The following DNAJC13 variants were observed in gnomAD, a reference collection of about 807,000 sequenced individuals.
DNAJC13 encodes the protein dnaJ homolog subfamily C member 13.
DNAJC13 carries 75 observed loss-of-function variants against 290.5 expected under a neutral mutation model. The ratio of observed to expected loss-of-function variants is 0.26; its 90% CI spans 0.21 to 0.31. The LOEUF (loss-of-function observed/expected upper bound fraction) is 0.31. Ranked by LOEUF, DNAJC13 falls within the 10% of genes least tolerant of loss-of-function variation. The pLI is 1.00. For synonymous variants in DNAJC13, 862 were observed against 892.0 expected, an observed-to-expected ratio of 0.97 and a Z score of 0.60; for missense variants, 2,260 against 2,674.5, an observed-to-expected ratio of 0.85 and a Z score of 3.42.
chr3:132,476,346 T>C (rs927984606), intron 22 of DNAJC13, among the ~76,000 whole-genome samples: 6 of 152,222 alleles, frequency 3.9e-5, no homozygotes, highest in Non-Finnish European at 8.8e-5. Flanking sequence ...TATTTTCTAG[T>C]GAAAACCCTT....
intron 55 of DNAJC13, chr3:132,537,221 G>A (rs919499328): frequency 2.2e-6 from 1 of 456,150 alleles, no homozygotes; most frequent in Non-Finnish European, 4.4e-6. Flanking sequence ...CTTTAGATCC[G>A]CTCTGCCAGG....
rs1057509293 is a variant in DNAJC13 at position 132,463,762 on chromosome 3, C to T, written c.1837C>T (p.His613Tyr). 1 of 1,613,488 alleles carries T rather than the reference C, an allele frequency of 6.2e-7. No individual in the cohort carries two copies. Among genetic ancestry groups the T allele is most frequent in the African/African-American group, 1.3e-5 (1 of 75,014 alleles). The change falls in exon 17 of 56, where the codon CAC (histidine) becomes TAC (tyrosine). Residue 613 changes from histidine (H) to tyrosine (Y), a missense_variant. By Grantham distance (83) the His-to-Tyr change is moderately conservative. Around this residue, in one of 3 missense-constraint regions of DNAJC13, gnomAD observed 762 missense variants for 964.1 expected, o/e 0.79. Transcript: ENST00000260818. ...LALSEGALPR[H>Y]LHTAMFTISS... ...CCTAAGTGAAGGTGCCTTACCTCGA[C>T]ACTTGCATACTGCGATGTTTACAAT...
intron 50 of DNAJC13, 41 bp downstream of exon 50, chr3:132,523,240 T>A: frequency 6.2e-7 from 1 of 1,607,386 alleles, no homozygotes; most frequent in Non-Finnish European, 8.5e-7. Context: ...TTCTGTTGAT[T>A]TAGTTGTTTT....
At chr3:132,437,785 C>G (rs961209856) in intron 2 of DNAJC13, among the ~76,000 whole-genome samples, 9 of 151,972 alleles carry the variant, frequency 5.9e-5, no homozygotes, top group African/African-American at 2.2e-4. Context: ...TTTGGGTATT[C>G]CTGGTCTCTT....
intron 16 of DNAJC13, among the ~76,000 whole-genome samples, chr3:132,463,264 A>T (rs1350211528): frequency 6.6e-6 from 1 of 152,232 alleles, no homozygotes; most frequent in Non-Finnish European, 1.5e-5. Context: ...TGAATGGAAC[A>T]TCAAAGTTTA....
At chr3:132,493,109 G>A (rs74694361) in intron 33 of DNAJC13, among the ~76,000 whole-genome samples, 2,130 of 152,092 alleles carry the variant, frequency 0.014, 48 homozygotes, top group African/African-American at 0.048. Context: ...TGGTGTTTAT[G>A]AAGATTATTA....
At chr3:132,522,226 T>C (rs1936113749) in intron 48 of DNAJC13, among the ~76,000 whole-genome samples, 1 of 152,188 alleles carries the variant, frequency 6.6e-6, no homozygotes, top group Non-Finnish European at 1.5e-5. Flanking sequence ...GGAAAAACAC[T>C]TTCCCAACCC....
intron 48 of DNAJC13, among the ~76,000 whole-genome samples, chr3:132,520,564 T>A (rs2107741741): frequency 6.6e-6 from 1 of 152,352 alleles, no homozygotes; most frequent in East Asian, 1.9e-4. Flanking sequence ...TAAATTAGAA[T>A]ACTAAACAAG....
chr3:132,481,082 T>C (rs1934656256), intron 26 of DNAJC13, among the ~76,000 whole-genome samples: 1 of 152,188 alleles, frequency 6.6e-6, no homozygotes, highest in African/African-American at 2.4e-5. Context: ...TGGAGGTGGT[T>C]ACTATCCACA....
In DNAJC13 at chr3:132,500,919, G is replaced by T; in HGVS notation, c.4536+6G>T. On this transcript the variant is annotated splice_donor_region_variant and intron_variant, in intron 39 of 55. Transcript: ENST00000260818. Reference sequence around the variant, plus strand: ...GGGTACTATATTTTGGCAAGGTAGGGTTAATCTTTAATGCTTTCTAGATAC... The same window carrying T: ...GGGTACTATATTTTGGCAAGGTAGGTTTAATCTTTAATGCTTTCTAGATAC... 6.2e-7 allele frequency: 1 copy of T among 1,613,524 alleles called. No individual in the cohort carries two copies. Among genetic ancestry groups the T allele is most frequent in the Non-Finnish European group, 8.5e-7 (1 of 1,179,648 alleles).
Position 132,522,851 on chromosome 3 carries a change from T to C in DNAJC13, c.5697T>C (p.Phe1899=), listed in dbSNP as rs763282870. The C allele has an allele frequency of 6.2e-7, 1 of 1,607,770 alleles. No individual in the cohort carries two copies. The highest frequency in any genetic ancestry group is 1.1e-5 in the South Asian group (1 of 88,984). ...GPKVRITLMK[F]LPSVFMDAMR... ...AGGTTCGAATTACGTTAATGAAATT[T>C]CTACCAAGCGTTTTCATGGATGCTA... The change falls in exon 49 of 56, where the codon TTT becomes TTC. Residue 1899 remains phenylalanine, a synonymous_variant. Coordinates refer to ENST00000260818, the MANE Select transcript of DNAJC13 (RefSeq NM_015268.4).
At chr3:132,428,397 A>T (rs1018728543) in intron 1 of DNAJC13, among the ~76,000 whole-genome samples, 1 of 152,228 alleles carries the variant, frequency 6.6e-6, no homozygotes, top group Non-Finnish European at 1.5e-5. Flanking sequence ...AAATGTGGAT[A>T]GGCTAATATT....
intron 2 of DNAJC13, among the ~76,000 whole-genome samples, chr3:132,443,911 C>T (rs1051378103): frequency 5.3e-5 from 8 of 152,072 alleles, no homozygotes; most frequent in South Asian, 2.1e-4. Flanking sequence ...GTATGGTAGC[C>T]GCTAACTACA....
At chr3:132,422,062 ACT>A (rs1485211758) in intron 1 of DNAJC13, among the ~76,000 whole-genome samples, 1 of 145,516 alleles carries the variant, frequency 6.9e-6, no homozygotes, top group Admixed American at 6.9e-5. Flanking sequence ...TTCAGACCTC[ACT>A]CTGTTGCCCA....
rs111502887 is a variant in DNAJC13, at chr3:132,467,299, A to C, written c.2194A>C (p.Ile732Leu). 6.2e-7 allele frequency: 1 copy of C among 1,613,254 alleles called. No homozygotes were observed. Among genetic ancestry groups the C allele is most frequent in the African/African-American group, 1.3e-5 (1 of 75,016 alleles). ...VLMHWRDRMGIAQKENINQKP... is the reference protein window; with the variant it reads ...VLMHWRDRMGLAQKENINQKP... ...GATGCACTGGAGGGATAGGATGGGC[A>C]TTGCTCAAAAAGAGGTAAAAATAAA... Residue 732 changes from isoleucine (I) to leucine (L), a missense_variant, in exon 20 of 56, where the codon ATT becomes CTT. By Grantham distance (5) the Ile-to-Leu change is conservative (BLOSUM62 2). Coordinates refer to ENST00000260818, the MANE Select transcript of DNAJC13 (RefSeq NM_015268.4).
chr3:132,529,569 C>T (rs951768329), intron 54 of DNAJC13, among the ~76,000 whole-genome samples: 4 of 152,222 alleles, frequency 2.6e-5, no homozygotes, highest in South Asian at 2.1e-4. Context: ...GGGTGGATCA[C>T]GAGGTCAGGA....
intron 1 of DNAJC13, among the ~76,000 whole-genome samples, chr3:132,426,276 C>G (rs943410569): frequency 7.2e-5 from 11 of 152,122 alleles, no homozygotes; most frequent in Non-Finnish European, 1.3e-4. Context: ...GTGAAGCTGA[C>G]TCGCAAAAAT....
intron 32 of DNAJC13, among the ~76,000 whole-genome samples, chr3:132,491,614 G>C (rs1935060326): frequency 6.6e-6 from 1 of 152,138 alleles, no homozygotes; most frequent in Non-Finnish European, 1.5e-5. Context: ...AAAAGGAAAG[G>C]CTCAGAAGCA....
At chr3:132,447,229 T>G in intron 3 of DNAJC13, 92 bp from the exon 4 acceptor site, 2 of 1,149,410 alleles carry the variant, frequency 1.7e-6, no homozygotes, top group Non-Finnish European at 2.3e-6. Context: ...TTTTGCTGAT[T>G]TAATCAGTGA....
Sources: allele counts gnomAD v4.1 joint callset (sites outside exome capture counted in the v4.1 genomes callset), GRCh38; gene constraint gnomAD v4.1.1; regional missense constraint gnomAD v4.1.1; transcripts MANE v1.5; gene names NCBI Gene and HGNC (gene_info 2026-07-23, HGNC 2026-07-21).